MAP3K19: variants seen among roughly 807,000 people sequenced by gnomAD.
MAP3K19 encodes the protein mitogen-activated protein kinase kinase kinase 19.
Under a neutral mutation model 114.4 loss-of-function variants are expected in MAP3K19, and 91 were observed. The ratio of observed to expected loss-of-function variants is 0.80; its 90% CI spans 0.67 to 0.95. The LOEUF is 0.95. Ranked by LOEUF, MAP3K19 falls within the 40% of genes least tolerant of loss-of-function variation. MAP3K19 has a pLI of 0.00. For missense variants in MAP3K19, 1,471 were observed against 1,573.2 expected, an observed-to-expected ratio of 0.94 and a Z score of 1.10; for synonymous variants, 518 against 530.5, an observed-to-expected ratio of 0.98 and a Z score of 0.32.
chr2:135,045,969 G>A (rs1688733533), intron 1 of MAP3K19, among the ~76,000 whole-genome samples: 1 of 150,566 alleles, frequency 6.6e-6, no homozygotes, highest in South Asian at 2.1e-4. Context: ...CTCTCATCCA[G>A]GCTGGAGTAC....
intron 5 of MAP3K19, among the ~76,000 whole-genome samples, chr2:135,011,028 G>C (rs1407822342): frequency 2.6e-5 from 4 of 152,122 alleles, no homozygotes; most frequent in Non-Finnish European, 5.9e-5. Context: ...ATGCAAGGCA[G>C]CTGCTTATAT....
At chr2:135,033,683 G>C (rs1349299769) in intron 2 of MAP3K19, among the ~76,000 whole-genome samples, 1 of 62,444 alleles carries the variant, frequency 1.6e-5, no homozygotes, top group Non-Finnish European at 2.8e-5. Flanking sequence ...CCGGACGGGC[G>C]GCCGGCCGGG....
intron 12 of MAP3K19, among the ~76,000 whole-genome samples, chr2:134,969,705 C>G (rs753122842): frequency 6.6e-5 from 10 of 152,098 alleles, no homozygotes; most frequent in African/African-American, 2.4e-4. Flanking sequence ...CTGCACAGAC[C>G]AATAACCTGG....
intron 5 of MAP3K19, among the ~76,000 whole-genome samples, chr2:135,005,807 C>T (rs1686772289): frequency 6.6e-6 from 1 of 152,164 alleles, no homozygotes; most frequent in African/African-American, 2.4e-5. Flanking sequence ...TTTATCATCT[C>T]AGTGCCCAGG....
Position 135,004,861 on chromosome 2 carries a change from T to C in MAP3K19, c.235+574A>G, listed in dbSNP as rs575703996. 2.6e-5 allele frequency among the ~76,000 whole-genome samples: 4 copies of C among 152,206 alleles called. No homozygotes were observed. The South Asian group carries it at 8.3e-4, about 32-fold the overall frequency. On this transcript the variant is annotated intron_variant, in intron 6 of 12. Coordinates refer to ENST00000392915, the MANE Select transcript of MAP3K19 (RefSeq NM_025052.5). Reference sequence around the variant, plus strand: ...CCTTCCCCTCAGGGACAACGGCTCATGGAGACACGTGTGGTTCCGGAAGGG... The same window carrying C: ...CCTTCCCCTCAGGGACAACGGCTCACGGAGACACGTGTGGTTCCGGAAGGG...
chr2:134,988,541 C>T (rs1685342295), intron 9 of MAP3K19, among the ~76,000 whole-genome samples: 2 of 152,106 alleles, frequency 1.3e-5, no homozygotes, highest in Admixed American at 1.3e-4. Flanking sequence ...CAGGCATGTG[C>T]CACTATGCTC....
intron 5 of MAP3K19, among the ~76,000 whole-genome samples, chr2:135,018,281 CAA>C (rs781510594): frequency 6.2e-4 from 36 of 58,276 alleles, no homozygotes; most frequent in East Asian, 9.6e-4. Context: ...GCAACAACAG[CAA>C]AAAAAAAAAA....
In MAP3K19 at chr2:134,986,137, T is replaced by C; in HGVS notation, c.2735A>G (p.Gln912Arg). Residue 912 changes from glutamine to arginine, a missense_variant, in exon 10 of 13, where the codon CAA becomes CGA. Transcript: ENST00000392915. ...ATATGTCTGGGAAGATGCACTTTCT[T>C]GTTTTGCTTGGAAAGAGAAATTTGT... ...TLTNFSFQAK[Q>R]ESASSQTYQY... is the part of the protein sequence containing the mutation. 1 of 1,614,026 alleles carries C rather than the reference T, an allele frequency of 6.2e-7. No homozygotes were observed. The highest frequency in any genetic ancestry group is 2.2e-5 in the East Asian group (1 of 44,880).
chr2:135,037,542 A>T (rs1328027846), intron 2 of MAP3K19, among the ~76,000 whole-genome samples: 1 of 152,214 alleles, frequency 6.6e-6, no homozygotes, highest in Non-Finnish European at 1.5e-5. Context: ...AGATGCCAAG[A>T]TAGTGTAGAA....
chr2:134,987,866 A>T lies in MAP3K19; in HGVS notation c.1006T>A (p.Leu336Met). Reference sequence around the variant, plus strand: ...ACTGCAGGAATATTGCCTTCCTTCAAATTCTCAAAAGACACCAAAGACTGC... The same window carrying T: ...ACTGCAGGAATATTGCCTTCCTTCATATTCTCAAAAGACACCAAAGACTGC... ...KGQSLVSFENLKEGNIPAVRE... is the reference protein window; with the variant it reads ...KGQSLVSFENMKEGNIPAVRE... Residue 336 changes from leucine (L) to methionine (M), a missense_variant, in exon 10 of 13, where the codon TTG becomes ATG. Physicochemically the swap from Leu to Met is conservative, Grantham distance 15 (BLOSUM62 2). Coordinates refer to ENST00000392915, the MANE Select transcript of MAP3K19 (RefSeq NM_025052.5). The T allele has an allele frequency of 6.2e-7, 1 of 1,612,734 alleles. No individual in the cohort carries two copies. Among genetic ancestry groups the T allele is most frequent in the Non-Finnish European group, 8.5e-7 (1 of 1,180,028 alleles).
intron 12 of MAP3K19, among the ~76,000 whole-genome samples, chr2:134,980,179 T>A (rs1334456629): frequency 1.3e-5 from 2 of 152,192 alleles, no homozygotes; most frequent in Non-Finnish European, 2.9e-5. Flanking sequence ...GATACACACT[T>A]TAACTAGAGC....
chr2:134,998,688 A>T lies in MAP3K19; in HGVS notation c.574+50T>A, dbSNP rs1357144952. 3.9e-6 allele frequency: 6 copies of T among 1,537,320 alleles called. No individual in the cohort carries two copies. The Admixed American group carries it at 9.6e-5, about 25-fold the overall frequency. On this transcript the variant is annotated intron_variant, in intron 8 of 12. Coordinates refer to ENST00000392915, the MANE Select transcript of MAP3K19 (RefSeq NM_025052.5). The stretch of plus-strand genomic sequence containing the variant: ...AGAACAGTGCCTGGCACAATACATA[A>T]ATATTTGTTGACCAAAAGGACTCAC...
In MAP3K19 at chr2:134,981,449, TA is replaced by T. The variant is rs1282329062; in HGVS notation, c.3291del (p.Asn1097LysfsTer3). 1 of 1,614,214 alleles carries T rather than the reference TA, an allele frequency of 6.2e-7. No homozygotes were observed. ...CGGTATTCCTTTTCAGCAGCTAATT[TA>T]TTAGAGGTATCCAAAGCCACCTGTT... Reference protein sequence around the residue: ...AVKQVALDTSNKLAAEKEYRK... With the variant: ...AVKQVALDTSXKLAAEKEYRK... On this transcript the variant is annotated frameshift_variant, in exon 12 of 13. Coordinates refer to ENST00000392915, the MANE Select transcript of MAP3K19 (RefSeq NM_025052.5). LOFTEE classifies it high-confidence loss of function.
chr2:135,030,707 T>C (rs1250750455), intron 2 of MAP3K19, among the ~76,000 whole-genome samples: 2 of 152,222 alleles, frequency 1.3e-5, no homozygotes, highest in African/African-American at 2.4e-5. Context: ...CTATGAGTAT[T>C]GTATGTTAAA....
chr2:134,994,985 G>T (rs74525511), intron 8 of MAP3K19, among the ~76,000 whole-genome samples: 1 of 152,116 alleles, frequency 6.6e-6, no homozygotes, highest in African/African-American at 2.4e-5. Flanking sequence ...TCAAGAAGCT[G>T]CTGGGAAATA....
At chr2:135,007,946 C>A (rs1686947632) in intron 5 of MAP3K19, among the ~76,000 whole-genome samples, 1 of 152,192 alleles carries the variant, frequency 6.6e-6, no homozygotes, top group South Asian at 2.1e-4. Flanking sequence ...ACACAGGAAT[C>A]ATATTTTCTT....
rs1309167424 is a variant in MAP3K19 at position 134,988,237 on chromosome 2, A to C, written c.635T>G (p.Leu212Arg). Residue 212 changes from leucine to arginine, a missense_variant, in exon 10 of 13, where the codon CTG becomes CGG. Transcript: ENST00000392915. ...GRSIKFLLPP[L>R]SLLPTRSGVL... ...ACCAGATCGCGTGGGCAAGAGTGAC[A>C]GTGGTGGCAGAAGGAACTAAAAGGA... 6.4e-7 allele frequency: 1 copy of C among 1,569,882 alleles called. No individual in the cohort carries two copies. Among genetic ancestry groups the C allele is most frequent in the Admixed American group, 1.9e-5 (1 of 52,040 alleles).
At chr2:135,018,474 C>T (rs1340117278) in intron 5 of MAP3K19, among the ~76,000 whole-genome samples, 1 of 151,946 alleles carries the variant, frequency 6.6e-6, no homozygotes, top group Non-Finnish European at 1.5e-5. Flanking sequence ...GTAGCTAGGA[C>T]TACAGGTATA....
intron 8 of MAP3K19, among the ~76,000 whole-genome samples, chr2:134,995,248 G>A (rs1017269061): frequency 1.8e-4 from 27 of 151,156 alleles, no homozygotes; most frequent in African/African-American, 6.3e-4. Context: ...CCCAGAAGAC[G>A]GAGGCTGCAG....
Sources: gnomAD v4.1 joint callset for allele counts (sites outside exome capture counted in the v4.1 genomes callset) on GRCh38, gnomAD v4.1.1 for gene constraint, MANE v1.5 for transcripts, NCBI Gene and HGNC (gene_info 2026-07-23, HGNC 2026-07-21) for gene names.